The following CTIF variants were observed in gnomAD, a reference collection of about 807,000 sequenced individuals.
The protein encoded by CTIF is cap binding complex dependent translation initiation factor.
A neutral mutation model predicts 66.0 loss-of-function variants in CTIF; 21 were observed. That is an observed-to-expected ratio of 0.32 (90% CI 0.23 to 0.46). The LOEUF (loss-of-function observed/expected upper bound fraction) is 0.46, where lower values mean the gene tolerates loss of function less well. Ranked by LOEUF, CTIF falls within the 20% of genes least tolerant of loss-of-function variation. CTIF has a pLI of 1.00. For synonymous variants in CTIF, 345 were observed against 326.4 expected (o/e 1.06, Z -0.62); for missense variants, 739 against 812.7 (o/e 0.91, Z 1.10).
intron 1 of CTIF, among the ~76,000 whole-genome samples, chr18:48,578,025 C>G (rs1051603415): frequency 2.6e-5 from 4 of 152,250 alleles, no homozygotes; most frequent in African/African-American, 4.8e-5. Flanking sequence ...TGTGCTTTCT[C>G]TATAGATTTG....
intron 10 of CTIF, among the ~76,000 whole-genome samples, chr18:48,844,757 T>A (rs11082708): frequency 0.32 from 49,234 of 152,142 alleles, 8,542 homozygotes; most frequent in African/African-American, 0.45. Context: ...GTGTCTGCAC[T>A]GTGGGCAGGC....
chr18:48,797,492 A>AG (rs1226021396), intron 9 of CTIF, among the ~76,000 whole-genome samples: 7,349 of 127,284 alleles, frequency 0.058, 286 homozygotes, highest in East Asian at 0.14. Flanking sequence ...AAAAAAGAAA[A>AG]GGGGTGGGGG....
At chr18:48,753,059 C>G (rs534195318) in intron 7 of CTIF, among the ~76,000 whole-genome samples, 14 of 152,210 alleles carry the variant, frequency 9.2e-5, no homozygotes, top group African/African-American at 3.1e-4. Context: ...CGAGCCTCAC[C>G]GCAACCCTTG....
At chr18:48,615,571 G>A (rs908430681) in intron 1 of CTIF, among the ~76,000 whole-genome samples, 1 of 152,242 alleles carries the variant, frequency 6.6e-6, no homozygotes, top group Non-Finnish European at 1.5e-5. Context: ...GCCACTGTGG[G>A]CCACGGGGCT....
In CTIF at chr18:48,761,725, C is replaced by G; in HGVS notation, c.1371+36C>G. 6.3e-7 allele frequency: 1 copy of G among 1,576,292 alleles called. No homozygotes were observed. Among genetic ancestry groups the G allele is most frequent in the Non-Finnish European group, 8.7e-7 (1 of 1,155,924 alleles). On this transcript the variant is annotated intron_variant, in intron 9 of 11. Coordinates refer to ENST00000256413, the MANE Select transcript of CTIF (RefSeq NM_014772.3). This position sits in a 1 kb window ranked among gnomAD's most constrained non-coding sequence, Gnocchi z 4.2. ...GCCGGCCACCACCGCCCCGCGCCCC[C>G]TGCCCCTCTGCGTTCGGTGAGTTAT...
At chr18:48,771,587 C>G (rs1284861744) in intron 9 of CTIF, among the ~76,000 whole-genome samples, 3 of 152,226 alleles carry the variant, frequency 2.0e-5, no homozygotes, top group Non-Finnish European at 4.4e-5. Flanking sequence ...CCTGCTAAAT[C>G]CCCTGATAGA....
rs2068383482 is a variant in CTIF at position 48,817,217 on chromosome 18, A to G, written c.1372-4A>G. 1 of 1,612,884 alleles carries G rather than the reference A, an allele frequency of 6.2e-7. No homozygotes were observed. Among genetic ancestry groups the G allele is most frequent in the South Asian group, 1.1e-5 (1 of 90,958 alleles). The stretch of plus-strand genomic sequence containing the variant: ...GGCTGACGCGGTCTCTCATGCCTCC[A>G]CAGAAGGACTTCACGGTGCGCGAGG... On this transcript the variant is annotated splice_region_variant and splice_polypyrimidine_tract_variant and intron_variant, in intron 9 of 11. Coordinates refer to ENST00000256413, the MANE Select transcript of CTIF (RefSeq NM_014772.3).
intron 9 of CTIF, among the ~76,000 whole-genome samples, chr18:48,790,104 T>C (rs2067760110): frequency 6.6e-6 from 1 of 152,126 alleles, no homozygotes; most frequent in African/African-American, 2.4e-5. Context: ...GGGGAAGGGA[T>C]GGAAGTAGAA....
chr18:48,783,828 A>T lies in CTIF; in HGVS notation c.1371+22139A>T, dbSNP rs1241599027. On this transcript the variant is annotated intron_variant, in intron 9 of 11. Coordinates refer to ENST00000256413, the MANE Select transcript of CTIF (RefSeq NM_014772.3). ...TCCAGGCAAGCGCTGCCTGCCGACC[A>T]CCGCCCTCTGACCCCAGTCCACCGA... Among the ~76,000 whole-genome samples, 5 of 151,442 alleles carry T rather than the reference A, an allele frequency of 3.3e-5. No individual in the cohort carries two copies. In the East Asian group the frequency reaches 9.7e-4, roughly 29 times the overall value.
chr18:48,714,874 G>C (rs1320820529), intron 7 of CTIF, among the ~76,000 whole-genome samples: 2 of 152,196 alleles, frequency 1.3e-5, no homozygotes, highest in African/African-American at 4.8e-5. Context: ...GGAGCTGAAA[G>C]GAGCTGATTC....
At chr18:48,607,594 C>G (rs2090227458) in intron 1 of CTIF, among the ~76,000 whole-genome samples, 1 of 152,190 alleles carries the variant, frequency 6.6e-6, no homozygotes, top group African/African-American at 2.4e-5. Flanking sequence ...CTCCCAGGGT[C>G]CAAGGAAAGG....
intron 6 of CTIF, among the ~76,000 whole-genome samples, chr18:48,673,339 C>CCT (rs2091567439): frequency 6.6e-6 from 1 of 151,852 alleles, no homozygotes; most frequent in Non-Finnish European, 1.5e-5. Context: ...CTCAGTCGTC[C>CCT]CTCTGTCTCT....
chr18:48,763,463 A>G (rs1909209962), intron 9 of CTIF, among the ~76,000 whole-genome samples: 2 of 152,220 alleles, frequency 1.3e-5, no homozygotes, highest in African/African-American at 4.8e-5. Flanking sequence ...AATCAACCAC[A>G]ACGTGCACTG....
At chr18:48,583,755 C>G (rs2089711268) in intron 1 of CTIF, among the ~76,000 whole-genome samples, 1 of 152,154 alleles carries the variant, frequency 6.6e-6, no homozygotes. Flanking sequence ...GAGCAGGTGG[C>G]AGGGGCAGCC....
intron 7 of CTIF, among the ~76,000 whole-genome samples, chr18:48,718,761 A>G (rs2092306013): frequency 6.6e-6 from 1 of 152,230 alleles, no homozygotes; most frequent in Admixed American, 6.5e-5. Flanking sequence ...TCAGGTTGAC[A>G]TGAAATTAAC....
intron 1 of CTIF, among the ~76,000 whole-genome samples, chr18:48,591,395 A>T (rs2089884300): frequency 6.6e-6 from 1 of 152,164 alleles, no homozygotes; most frequent in Non-Finnish European, 1.5e-5. Flanking sequence ...GAGAAGACAG[A>T]CTCAGCATCA....
At chr18:48,686,503 A>T (rs983547728) in intron 6 of CTIF, among the ~76,000 whole-genome samples, 1 of 151,708 alleles carries the variant, frequency 6.6e-6, no homozygotes, top group African/African-American at 2.4e-5. Flanking sequence ...CAAGATCGGG[A>T]CCTAGGTGTG....
intron 9 of CTIF, among the ~76,000 whole-genome samples, chr18:48,778,810 C>G (rs1910938753): frequency 6.6e-6 from 1 of 152,160 alleles, no homozygotes; most frequent in African/African-American, 2.4e-5. Context: ...TGGAGGCGTT[C>G]TGGGGGCATT....
At chr18:48,830,859 A>G (rs1372585623) in intron 10 of CTIF, among the ~76,000 whole-genome samples, 1 of 151,990 alleles carries the variant, frequency 6.6e-6, no homozygotes, top group Admixed American at 6.6e-5. Flanking sequence ...CTGTCTCTCA[A>G]CTAGCATGGA....
Sources: gnomAD v4.1 joint callset for allele counts (sites outside exome capture counted in the v4.1 genomes callset) on GRCh38, gnomAD v4.1.1 for gene constraint, Gnocchi (gnomAD v3.1) non-coding constraint, MANE v1.5 for transcripts, NCBI Gene and HGNC (gene_info 2026-07-23, HGNC 2026-07-21) for gene names.